Variants in ZNF536 observed in about 807,000 individuals in gnomAD.
ZNF536 encodes the protein zinc finger protein 536.
ZNF536 carries 13 observed loss-of-function variants against 84.5 expected under a neutral mutation model. That is an observed-to-expected ratio of 0.15 (90% confidence interval 0.10 to 0.24). The LOEUF (loss-of-function observed/expected upper bound fraction) is 0.24, where lower values mean the gene tolerates loss of function less well. Ranked by LOEUF, ZNF536 falls within the 10% of genes least tolerant of loss-of-function variation. ZNF536 has a pLI of 1.00. For missense variants in ZNF536, 1,536 were observed against 1,747.5 expected, an observed-to-expected ratio of 0.88 and a Z score of 2.16; for synonymous variants, 811 against 742.5, an observed-to-expected ratio of 1.09 and a Z score of -1.50.
At chr19:30,239,136 G>A (rs2023755263) in intron 1 of ZNF536, among the ~76,000 whole-genome samples, 1 of 152,176 alleles carries the variant, frequency 6.6e-6, no homozygotes, top group South Asian at 2.1e-4. Context: ...TGGAAAGTAG[G>A]GAATGCCCTA....
chr19:30,686,655 G>T lies in ZNF536; in HGVS notation c.170-24102G>T, dbSNP rs1024938546. Among the ~76,000 whole-genome samples, 8 of 152,200 alleles carry T rather than the reference G, an allele frequency of 5.3e-5. No homozygotes were observed. The South Asian group carries it at 1.7e-3, about 32-fold the overall frequency. On this transcript the variant is annotated intron_variant, in intron 1 of 1. Transcript: ENST00000592773. ...GCGGGGAAGGAGCCCGCCGGCTCCCGCGGGCTGTCAGGTATCTGCGCGCGT... is the reference window on the plus strand; with the variant it reads ...GCGGGGAAGGAGCCCGCCGGCTCCCTCGGGCTGTCAGGTATCTGCGCGCGT...
intron 2 of ZNF536, among the ~76,000 whole-genome samples, chr19:30,525,196 C>T (rs1021601196): frequency 6.6e-6 from 1 of 152,156 alleles, no homozygotes; most frequent in African/African-American, 2.4e-5. Context: ...AACTGGGTGA[C>T]ACCCTGAGGC....
rs2146182404 is a variant in ZNF536, at chr19:30,548,101, A to G, written c.2482A>G (p.Lys828Glu). 6.2e-7 allele frequency: 1 copy of G among 1,614,124 alleles called. No individual in the cohort carries two copies. The highest frequency in any genetic ancestry group is 1.1e-5 in the South Asian group (1 of 91,080). Residue 828 changes from lysine to glutamate, a missense_variant, in exon 4 of 5, where the codon AAA becomes GAA. Lys to Glu is a moderately conservative substitution (Grantham distance 56). Transcript: ENST00000355537. ...AGACCACAAGGATGAGATGTCAAGC[A>G]AAGCTTCTCTGTTCATCAGGCCAGA... ...NQDHKDEMSS[K>E]ASLFIRPDIL...
At chr19:30,681,795 C>T (rs922798648) in intron 1 of ZNF536, among the ~76,000 whole-genome samples, 1 of 152,208 alleles carries the variant, frequency 6.6e-6, no homozygotes. Flanking sequence ...GTTCCACCCT[C>T]TGGTCTCTGG....
intron 2 of ZNF536, among the ~76,000 whole-genome samples, chr19:30,285,786 G>A (rs2045604644): frequency 6.6e-6 from 1 of 152,144 alleles, no homozygotes; most frequent in Non-Finnish European, 1.5e-5. Flanking sequence ...AACATCCCTG[G>A]TCTCTGCCCA....
At chr19:30,265,091 G>C (rs1397189045) in intron 1 of ZNF536, among the ~76,000 whole-genome samples, 1 of 152,104 alleles carries the variant, frequency 6.6e-6, no homozygotes, top group Non-Finnish European at 1.5e-5. Flanking sequence ...CTTTGACTTT[G>C]CATGTGATTT....
rs565230952 is a variant in ZNF536, at chr19:30,445,668, C to A, written c.2106C>A (p.Gly702=). Residue 702 remains glycine, a synonymous_variant, in exon 2 of 5, where the codon GGC becomes GGA. Coordinates refer to ENST00000355537, the MANE Select transcript of ZNF536 (RefSeq NM_014717.3). The surrounding 1 kb of genome is among the most constrained non-coding windows in gnomAD (Gnocchi z 4.5). ...TCACCGAGGAGAGCGGGGTCGGAGG[C>A]GGCCTCTCCCAGACCGGGAGTGCCC... is the stretch of plus-strand genomic sequence containing the variant. The part of the protein sequence containing the change: ...SNVTEESGVG[G]GLSQTGSAQE... 3 of 1,606,922 alleles carry A rather than the reference C, an allele frequency of 1.9e-6. No individual in the cohort carries two copies. Among genetic ancestry groups the A allele is most frequent in the Non-Finnish European group, 2.6e-6 (3 of 1,176,420 alleles).
chr19:30,691,302 C>G (rs184135073), intron 1 of ZNF536, among the ~76,000 whole-genome samples: 79 of 152,264 alleles, frequency 5.2e-4, no homozygotes, highest in African/African-American at 1.8e-3. Context: ...TCAGGGCGGT[C>G]GTCTCCAGAG....
At chr19:30,633,700 T>C (rs538417719) in intron 1 of ZNF536, among the ~76,000 whole-genome samples, 1 of 152,272 alleles carries the variant, frequency 6.6e-6, no homozygotes, top group South Asian at 2.1e-4. Context: ...TCACAAATTA[T>C]ATTAGATTTT....
chr19:30,545,414 T>C (rs2045507672), intron 3 of ZNF536, among the ~76,000 whole-genome samples: 1 of 143,596 alleles, frequency 7.0e-6, no homozygotes, highest in African/African-American at 2.6e-5. Flanking sequence ...TTTTTTTTTT[T>C]TGAGATGGAG....
intron 1 of ZNF536, among the ~76,000 whole-genome samples, chr19:30,271,853 TCTC>T (rs779986296): frequency 4.8e-5 from 7 of 144,788 alleles, no homozygotes; most frequent in Non-Finnish European, 7.4e-5. Flanking sequence ...TGACCAAGGC[TCTC>T]CTCCAGAGAC....
At chr19:30,670,772 G>A (rs565518972) in intron 1 of ZNF536, among the ~76,000 whole-genome samples, 2 of 152,210 alleles carry the variant, frequency 1.3e-5, no homozygotes, top group Non-Finnish European at 2.9e-5. Flanking sequence ...GGTTCTGAAG[G>A]CAGGAGCCAT....
rs1281830404 is a variant in ZNF536, at chr19:30,667,629, T to TTTTTTTTTTTC, written c.170-43118_170-43117insCTTTTTTTTTT. On this transcript the variant is annotated intron_variant, in intron 1 of 1. Coordinates refer to the ZNF536 transcript ENST00000592773. ...CTCAGCTAGAGTTTTTTCTAGCTTT[T>TTTTTTTTTTTC]TTTTTTTTTTTAATTAATGAGAAGT... 4.0e-5 allele frequency among the ~76,000 whole-genome samples: 6 copies of TTTTTTTTTTTC among 149,358 alleles called. No homozygotes were observed. In the East Asian group the frequency reaches 1.2e-3, roughly 29 times the overall value.
chr19:30,709,402 A>G (rs56160518), intron 1 of ZNF536, among the ~76,000 whole-genome samples: 54,919 of 151,882 alleles, frequency 0.36, 10,332 homozygotes, highest in East Asian at 0.56. Flanking sequence ...AGCAAGACTC[A>G]GGTGACACCC....
At chr19:30,641,567 A>G (rs1466447658) in intron 1 of ZNF536, among the ~76,000 whole-genome samples, 2 of 152,192 alleles carry the variant, frequency 1.3e-5, no homozygotes, top group African/African-American at 4.8e-5. Context: ...CAATGTTTTT[A>G]TTATTACAAA....
chr19:30,379,157 G>T (rs565641244), intron 1 of ZNF536, among the ~76,000 whole-genome samples: 2 of 152,220 alleles, frequency 1.3e-5, no homozygotes, highest in African/African-American at 4.8e-5. Flanking sequence ...TTTGAAGTTT[G>T]TGTATTCTCC....
chr19:30,448,510 G>T (rs1042874311), intron 2 of ZNF536, among the ~76,000 whole-genome samples: 1 of 152,194 alleles, frequency 6.6e-6, no homozygotes, highest in African/African-American at 2.4e-5. Flanking sequence ...CTTCTATTAA[G>T]AAATAACTGC....
At chr19:30,668,179 C>T (rs1259949497) in intron 1 of ZNF536, among the ~76,000 whole-genome samples, 1 of 152,196 alleles carries the variant, frequency 6.6e-6, no homozygotes, top group Admixed American at 6.5e-5. Context: ...CATTTTCTCT[C>T]TCTCCAGGAA....
chr19:30,476,311 T>C (rs2053844711), intron 2 of ZNF536, among the ~76,000 whole-genome samples: 2 of 152,240 alleles, frequency 1.3e-5, no homozygotes, highest in South Asian at 4.1e-4. Context: ...CTCTGGCCAT[T>C]AGCATCCTGG....
Sources: allele counts gnomAD v4.1 joint callset (sites outside exome capture counted in the v4.1 genomes callset), GRCh38; gene constraint gnomAD v4.1.1; non-coding constraint Gnocchi (gnomAD v3.1); transcripts MANE v1.5; gene names NCBI Gene and HGNC (gene_info 2026-07-23, HGNC 2026-07-21).